Variants in MED16 observed in about 807,000 individuals in gnomAD.
MED16 encodes the protein mediator of RNA polymerase II transcription subunit 16.
Under a neutral mutation model 84.4 loss-of-function variants are expected in MED16, and 81 were observed. The ratio of observed to expected loss-of-function variants is 0.96; its 90% CI spans 0.80 to 1.15. MED16 has a LOEUF of 1.15. Among genes scored for constraint, MED16 ranks in the 50% most tolerant of loss-of-function variants. The pLI is 0.00. For missense variants in MED16, 1,585 were observed against 1,245.9 expected, an observed-to-expected ratio of 1.27 and a Z score of -4.10; for synonymous variants, 897 against 552.2, an observed-to-expected ratio of 1.62 and a Z score of -8.76.
Position 873,594 on chromosome 19 carries a change from C to G in MED16, c.1772-12G>C, listed in dbSNP as rs754159368. The G allele has an allele frequency of 1.2e-6, 2 of 1,611,882 alleles. No homozygotes were observed. Among genetic ancestry groups the G allele is most frequent in the Admixed American group, 3.3e-5 (2 of 59,990 alleles). ...GACCTTGTCAATGTCTACAAGGAGACGTGGGTCGGGTCAGCTCGGGCCTCT... is the reference window on the plus strand; with the variant it reads ...GACCTTGTCAATGTCTACAAGGAGAGGTGGGTCGGGTCAGCTCGGGCCTCT... On this transcript the variant is annotated splice_polypyrimidine_tract_variant and intron_variant, in intron 10 of 15. Coordinates refer to ENST00000325464, the MANE Select transcript of MED16 (RefSeq NM_005481.3).
In MED16 at chr19:884,975, T is replaced by C. The variant is rs746544191; in HGVS notation, c.913A>G (p.Ile305Val). ...TTGCGCAGGGACCAGCACTCCACGATGCTGCTGGTCTGGCTGGACGCGCAC... is the reference window on the plus strand; with the variant it reads ...TTGCGCAGGGACCAGCACTCCACGACGCTGCTGGTCTGGCTGGACGCGCAC... ...LLCASSQTSS[I>V]VECWSLRKEG... The change falls in exon 6 of 16, where the codon ATC becomes GTC. Residue 305 changes from isoleucine (I) to valine (V), a missense_variant. Ile to Val is a conservative substitution (Grantham distance 29). Coordinates refer to ENST00000325464, the MANE Select transcript of MED16 (RefSeq NM_005481.3). The C allele has an allele frequency of 2.5e-6, 4 of 1,607,954 alleles. No homozygotes were observed. In the Admixed American group the frequency reaches 5.0e-5, roughly 20 times the overall value.
chr19:874,923 G>A (rs2036192927), intron 10 of MED16, among the ~76,000 whole-genome samples: 1 of 152,092 alleles, frequency 6.6e-6, no homozygotes, highest in Non-Finnish European at 1.5e-5. Flanking sequence ...AGCACTTTAG[G>A]AGGCCGAGGC....
At chr19:880,862 T>G (rs2036406477) in intron 7 of MED16, among the ~76,000 whole-genome samples, 1 of 147,528 alleles carries the variant, frequency 6.8e-6, no homozygotes, top group Non-Finnish European at 1.5e-5. Context: ...GAGGCGGAGG[T>G]TGCAGTGAGC....
chr19:872,690 C>T (rs1454563624), intron 11 of MED16, among the ~76,000 whole-genome samples: 1 of 151,430 alleles, frequency 6.6e-6, no homozygotes, highest in East Asian at 2.0e-4. Context: ...TGGTCAGGGG[C>T]GCACAAGCCG....
chr19:881,531 C>T (rs774212124), intron 7 of MED16, 28 bp downstream of exon 7: 15 of 1,594,674 alleles, frequency 9.4e-6, no homozygotes, highest in South Asian at 2.2e-5. Context: ...ACTGAGGCCC[C>T]GCGTGGCTGC....
In MED16 at chr19:868,200, C is replaced by G; in HGVS notation, c.2535G>C (p.Glu845Asp). 1 of 1,605,736 alleles carries G rather than the reference C, an allele frequency of 6.2e-7. No homozygotes were observed. Among genetic ancestry groups the G allele is most frequent in the Non-Finnish European group, 8.5e-7 (1 of 1,176,838 alleles). Reference sequence around the variant, plus strand: ...CCAGCTGGACAAAGGCAGGGGCTTCCTCAGAAGCTCTGCTGGTCACGCAGG... The same window carrying G: ...CCAGCTGGACAAAGGCAGGGGCTTCGTCAGAAGCTCTGCTGGTCACGCAGG... The part of the protein sequence containing the change: ...PDACVTSRAS[E>D]EAPAFVQLGP... The change falls in exon 16 of 16, where the codon GAG becomes GAC. Residue 845 changes from glutamate to aspartate, a missense_variant. Glu to Asp is a conservative substitution (Grantham distance 45). Coordinates refer to ENST00000325464, the MANE Select transcript of MED16 (RefSeq NM_005481.3).
rs987690545 is a variant in MED16 at position 884,514 on chromosome 19, C to T, written c.985+389G>A. Among the ~76,000 whole-genome samples the T allele has an allele frequency of 2.0e-4, 30 of 152,070 alleles. 1 individual carries two copies. The highest frequency in any genetic ancestry group is 5.9e-4 in the Admixed American group (9 of 15,258). ...CCAGGTTCCGGAGGATTCCGTGCAC[C>T]GCCCCTGCCCGGTCTGGCCTGTCCC... On this transcript the variant is annotated intron_variant, in intron 6 of 15. Transcript: ENST00000325464.
intron 1 of MED16, chr19:892,803 C>T (rs1193131802): frequency 6.6e-6 from 1 of 152,420 alleles, no homozygotes; most frequent in African/African-American, 2.4e-5. Context: ...GCCCCAAACT[C>T]TCCTTAGGCC....
At chr19:883,968 T>C (rs2930898) in intron 6 of MED16, among the ~76,000 whole-genome samples, 46,090 of 152,014 alleles carry the variant, frequency 0.3, 7,551 homozygotes, top group African/African-American at 0.4. Flanking sequence ...GGAATGGCAG[T>C]GGCCCTCTTC....
chr19:881,881 T>C (rs968645378), intron 6 of MED16, among the ~76,000 whole-genome samples, 167 bp from the exon 7 acceptor site: 6 of 152,178 alleles, frequency 3.9e-5, no homozygotes, highest in African/African-American at 1.4e-4. Context: ...ATCCGAGCGC[T>C]TCGTGCCTCG....
chr19:871,382 G>A, intron 12 of MED16, 129 bp from the exon 13 acceptor site: 1 of 1,314,262 alleles, frequency 7.6e-7, no homozygotes, highest in Non-Finnish European at 1.0e-6. Context: ...GCCTGGCTGG[G>A]TGACCCCGGG....
chr19:875,808 A>T (rs922138807), intron 9 of MED16, among the ~76,000 whole-genome samples: 4 of 152,230 alleles, frequency 2.6e-5, no homozygotes, highest in Admixed American at 1.3e-4. Context: ...CCAGCCCCCG[A>T]TGTCTGTGGT....
rs1462339612 is a variant in MED16 at position 884,855 on chromosome 19, C to T, written c.985+48G>A. The T allele has an allele frequency of 4.1e-6, 6 of 1,471,314 alleles. No individual in the cohort carries two copies. The East Asian group carries it at 7.2e-5, about 18-fold the overall frequency. 91.1% of individuals were successfully genotyped at this position (1,471,314 alleles called of 1,614,324 possible). A position where few individuals can be genotyped will look rare whatever the true frequency, so the allele number is the denominator to read the frequency against. ...ACCTGCCTCCAAAATAAAAACCAACCGCCCCCGAGGGCAGGCCCAGGGCCT... is the reference window on the plus strand; with the variant it reads ...ACCTGCCTCCAAAATAAAAACCAACTGCCCCCGAGGGCAGGCCCAGGGCCT... On this transcript the variant is annotated intron_variant, in intron 6 of 15. Coordinates refer to ENST00000325464, the MANE Select transcript of MED16 (RefSeq NM_005481.3).
intron 14 of MED16, 114 bp downstream of exon 14, chr19:868,749 G>A: frequency 8.2e-7 from 1 of 1,212,796 alleles, no homozygotes; most frequent in Non-Finnish European, 1.1e-6. Flanking sequence ...CTCCCTCTGG[G>A]ACGTGCTCCC....
chr19:868,658 T>TC (rs1308366132), intron 14 of MED16, among the ~76,000 whole-genome samples, 159 bp from the exon 15 acceptor site: 1 of 150,642 alleles, frequency 6.6e-6, no homozygotes, highest in Non-Finnish European at 1.5e-5. Context: ...ATGCTTCTCC[T>TC]CCCCCCAGCA....
At chr19:889,997 TG>T (rs1251192264) in intron 3 of MED16, 139 bp downstream of exon 3, 14 of 835,068 alleles carry the variant, frequency 1.7e-5, no homozygotes, top group Non-Finnish European at 9.2e-6. Context: ...CGGGCCACTA[TG>T]GAAAGAGCAG....
In MED16 at chr19:885,938, CGACGCGCT is replaced by C. The variant is rs1568331648; in HGVS notation, c.703_710del (p.Ser235AlafsTer179). ...CGCACACCTTGTAGAACTGCACGGG[CGACGCGCT>C]GCTGCCGTCCGCCGTGGCCACCACG... On this transcript the variant is annotated frameshift_variant, in exon 5 of 16. Transcript: ENST00000325464. LOFTEE classifies it high-confidence loss of function. The C allele has an allele frequency of 6.2e-7, 1 of 1,612,830 alleles. No individual in the cohort carries two copies. The highest frequency in any genetic ancestry group is 8.5e-7 in the Non-Finnish European group (1 of 1,179,892).
chr19:870,497 G>C (rs944944287), intron 13 of MED16, among the ~76,000 whole-genome samples: 1 of 150,994 alleles, frequency 6.6e-6, no homozygotes, highest in Admixed American at 6.6e-5. Context: ...AGAGGCAGAC[G>C]TTGCAGTGGG....
rs2036386838 is a variant in MED16 at position 880,071 on chromosome 19, TGTA to T, written c.1216_1218del (p.Tyr406del). On this transcript the variant is annotated inframe_deletion, in exon 8 of 16. Transcript: ENST00000325464. Reference sequence around the variant, plus strand: ...TCCACAGGCCTCGGGGCCGCGGAGCTGTAGAAGACGGCCATGGTCTGCAGTGAG... The same window carrying T: ...TCCACAGGCCTCGGGGCCGCGGAGCTGAAGACGGCCATGGTCTGCAGTGAG... The T allele has an allele frequency of 6.2e-7, 1 of 1,611,076 alleles. No individual in the cohort carries two copies. Among genetic ancestry groups the T allele is most frequent in the Non-Finnish European group, 8.5e-7 (1 of 1,179,432 alleles).
Sources: gnomAD v4.1 joint callset for allele counts (sites outside exome capture counted in the v4.1 genomes callset) on GRCh38, gnomAD v4.1.1 for gene constraint, MANE v1.5 for transcripts, NCBI Gene and HGNC (gene_info 2026-07-23, HGNC 2026-07-21) for gene names.